The following HSF2 variants were observed in gnomAD, a reference collection of about 807,000 sequenced individuals.
HSF2 encodes the protein heat shock factor protein 2.
In HSF2, 21 loss-of-function variants were observed where a neutral mutation model predicts 65.0. The ratio of observed to expected loss-of-function variants is 0.32; its 90% CI spans 0.23 to 0.47. HSF2 has a LOEUF of 0.47. HSF2 is among the 20% of genes least tolerant of loss of function. The pLI is 1.00. For missense variants in HSF2, 499 were observed against 628.1 expected (o/e 0.79, Z 2.20); for synonymous variants, 225 against 219.1 (o/e 1.03, Z -0.24).
At chr6:122,413,473 C>T in intron 3 of HSF2, 52 bp from the exon 4 acceptor site, 1 of 1,370,706 alleles carries the variant, frequency 7.3e-7, no homozygotes, top group Non-Finnish European at 1.0e-6. Flanking sequence ...CTTTGAATTA[C>T]AATCATGGGT....
chr6:122,399,752 G>A lies in HSF2; in HGVS notation c.15G>A (p.Ser5=), dbSNP rs1232524256. MKQS[S]NVPAFLSKLW... ...CCGCGTTAACAATGAAGCAGAGTTCGAACGTGCCGGCTTTCCTCAGCAAGC... is the reference window on the plus strand; with the variant it reads ...CCGCGTTAACAATGAAGCAGAGTTCAAACGTGCCGGCTTTCCTCAGCAAGC... Residue 5 remains serine (S), a synonymous_variant, in exon 1 of 13, where the codon TCG becomes TCA. Coordinates refer to ENST00000368455, the MANE Select transcript of HSF2 (RefSeq NM_004506.4). 6.2e-7 allele frequency: 1 copy of A among 1,612,452 alleles called. No homozygotes were observed. The highest frequency in any genetic ancestry group is 1.7e-5 in the Admixed American group (1 of 59,868).
intron 5 of HSF2, 74 bp downstream of exon 5, chr6:122,416,370 T>A: frequency 1.1e-6 from 1 of 886,306 alleles, no homozygotes; most frequent in South Asian, 1.5e-5. Context: ...AAAAAGGTCT[T>A]TATTGAGTGT....
intron 10 of HSF2, among the ~76,000 whole-genome samples, chr6:122,424,818 C>T (rs994738918): frequency 2.6e-5 from 4 of 151,972 alleles, no homozygotes; most frequent in Non-Finnish European, 5.9e-5. Flanking sequence ...TCACCAAGAA[C>T]GAAATAAAAT....
intron 12 of HSF2, among the ~76,000 whole-genome samples, 187 bp downstream of exon 12, chr6:122,431,701 T>C (rs993761747): frequency 2.0e-5 from 3 of 149,868 alleles, no homozygotes; most frequent in Non-Finnish European, 3.0e-5. Flanking sequence ...TTTTTTATCC[T>C]ATTTAACTTT....
intron 10 of HSF2, among the ~76,000 whole-genome samples, chr6:122,427,059 T>C (rs1474829483): frequency 6.6e-6 from 1 of 152,076 alleles, no homozygotes; most frequent in Non-Finnish European, 1.5e-5. Flanking sequence ...TCAGCCCTTT[T>C]ATTTCATTAT....
chr6:122,415,137 C>T (rs988371352), intron 4 of HSF2, among the ~76,000 whole-genome samples: 33 of 152,060 alleles, frequency 2.2e-4, no homozygotes, highest in African/African-American at 8.0e-4. Context: ...CTCCGTGCTG[C>T]GAACATTTAA....
intron 1 of HSF2, among the ~76,000 whole-genome samples, chr6:122,400,043 C>T (rs1403068368): frequency 6.6e-6 from 1 of 152,032 alleles, no homozygotes; most frequent in South Asian, 2.1e-4. Flanking sequence ...CCTCAGGCCG[C>T]GGTGGGGGAG....
At chr6:122,415,257 G>T (rs1774099072) in intron 4 of HSF2, among the ~76,000 whole-genome samples, 1 of 152,284 alleles carries the variant, frequency 6.6e-6, no homozygotes, top group African/African-American at 2.4e-5. Context: ...CATTTTAGTG[G>T]TTTACATATG....
In HSF2 at chr6:122,427,939, T is replaced by G. The variant is rs1218481929; in HGVS notation, c.1213T>G (p.Tyr405Asp). ...TSSVQMNPTD[Y>D]INNTKSENKG... The stretch of plus-strand genomic sequence containing the variant: ...TTCTGTGCAGATGAATCCCACAGAT[T>G]ACATCAATAATACAAAAGTAAGTTT... The change falls in exon 11 of 13, where the codon TAC becomes GAC. Residue 405 changes from tyrosine to aspartate, a missense_variant. This residue lies in a region of HSF2 where 349 missense variants were observed against 393.5 expected (regional missense o/e 0.89). Coordinates refer to ENST00000368455, the MANE Select transcript of HSF2 (RefSeq NM_004506.4). 1 of 1,601,242 alleles carries G rather than the reference T, an allele frequency of 6.2e-7. No homozygotes were observed. Among genetic ancestry groups the G allele is most frequent in the East Asian group, 2.2e-5 (1 of 44,612 alleles).
chr6:122,414,160 G>A (rs952098687), intron 4 of HSF2, among the ~76,000 whole-genome samples: 9 of 152,154 alleles, frequency 5.9e-5, no homozygotes, highest in Non-Finnish European at 1.2e-4. Context: ...ACTTGGAAAA[G>A]TGTTATTCAG....
In HSF2 at chr6:122,423,614, C is replaced by G. The variant is rs1774282578; in HGVS notation, c.1104C>G (p.Asp368Glu). The stretch of plus-strand genomic sequence containing the variant: ...TGTTGGATTATCTTGACAGTATTGA[C>G]TGCAGTTTAGAGGACTTCCAGGCCA... Reference protein sequence around the residue: ...VELLDYLDSIDCSLEDFQAML... With the variant: ...VELLDYLDSIECSLEDFQAML... The change falls in exon 10 of 13, where the codon GAC becomes GAG. Residue 368 changes from aspartate to glutamate, a missense_variant. Transcript: ENST00000368455. 1 of 1,609,638 alleles carries G rather than the reference C, an allele frequency of 6.2e-7. No individual in the cohort carries two copies. Among genetic ancestry groups the G allele is most frequent in the Non-Finnish European group, 8.5e-7 (1 of 1,177,332 alleles).
chr6:122,399,834 C>T lies in HSF2; in HGVS notation c.93+4C>T, dbSNP rs1773676169. On this transcript the variant is annotated splice_donor_region_variant and intron_variant, in intron 1 of 12. Coordinates refer to ENST00000368455, the MANE Select transcript of HSF2 (RefSeq NM_004506.4). ...CGAGTTCATCACCTGGAGCCAGGTA[C>T]GGTCAGGCCACGGCGGCCTCTGAAC... The T allele has an allele frequency of 1.9e-6, 3 of 1,607,578 alleles. No homozygotes were observed. Among genetic ancestry groups the T allele is most frequent in the Non-Finnish European group, 2.6e-6 (3 of 1,175,480 alleles).
chr6:122,427,543 C>G, intron 10 of HSF2, among the ~76,000 whole-genome samples: 1 of 151,742 alleles, frequency 6.6e-6, no homozygotes, highest in Non-Finnish European at 1.5e-5. Flanking sequence ...GCAGAGGTCT[C>G]AACCCTGCAC....
At chr6:122,400,740 G>A (rs76915768) in intron 1 of HSF2, among the ~76,000 whole-genome samples, 143 of 152,274 alleles carry the variant, frequency 9.4e-4, no homozygotes, top group Admixed American at 1.3e-3. Flanking sequence ...CATCCACAGT[G>A]CATGTGCATT....
chr6:122,410,167 A>G (rs569977905), intron 1 of HSF2, among the ~76,000 whole-genome samples: 11 of 152,038 alleles, frequency 7.2e-5, no homozygotes, highest in African/African-American at 2.4e-4. Context: ...TTATGTACCT[A>G]ACATTTGGTT....
At chr6:122,401,633 A>G (rs1459412868) in intron 1 of HSF2, among the ~76,000 whole-genome samples, 1 of 152,220 alleles carries the variant, frequency 6.6e-6, no homozygotes, top group African/African-American at 2.4e-5. Context: ...TTTTAATCCC[A>G]TTATTAACTT....
intron 1 of HSF2, among the ~76,000 whole-genome samples, chr6:122,403,840 A>G (rs1198752291): frequency 1.3e-5 from 2 of 152,202 alleles, no homozygotes; most frequent in African/African-American, 2.4e-5. Flanking sequence ...TGTCCTAAAG[A>G]GAGGGCACAT....
chr6:122,408,058 C>T (rs1331744502), intron 1 of HSF2, among the ~76,000 whole-genome samples: 1 of 152,116 alleles, frequency 6.6e-6, no homozygotes, highest in Non-Finnish European at 1.5e-5. Flanking sequence ...ATTACCTCCT[C>T]TGAACCTAAT....
chr6:122,416,173 TTTGA>T (rs1480810736), intron 4 of HSF2, 44 bp from the exon 5 acceptor site: 1 of 1,210,464 alleles, frequency 8.3e-7, no homozygotes, highest in South Asian at 1.3e-5. Context: ...GGTCTGGTTT[TTTGA>T]TTGATTTTTT....
Sources: gnomAD v4.1 joint callset for allele counts (sites outside exome capture counted in the v4.1 genomes callset) on GRCh38, gnomAD v4.1.1 for gene constraint, gnomAD v4.1.1 regional missense constraint, MANE v1.5 for transcripts, NCBI Gene and HGNC (gene_info 2026-07-23, HGNC 2026-07-21) for gene names.